The following SESTD1 variants were observed in gnomAD, a reference collection of about 807,000 sequenced individuals.
SESTD1 encodes SEC14 and spectrin domain containing 1, also known as SEC14 domain and spectrin repeat-containing protein 1.
A neutral mutation model predicts 101.7 loss-of-function variants in SESTD1; 43 were observed. The ratio of observed to expected loss-of-function variants is 0.42; its 90% CI spans 0.33 to 0.55. The LOEUF is 0.55. Ranked by LOEUF, SESTD1 falls within the 20% of genes least tolerant of loss-of-function variation. The probability of loss-of-function intolerance (pLI) is 0.07; values close to 1 mark genes in which losing one functional copy is unlikely to be tolerated. For synonymous variants in SESTD1, 283 were observed against 286.8 expected, an observed-to-expected ratio of 0.99 and a Z score of 0.13; for missense variants, 647 against 815.1, an observed-to-expected ratio of 0.79 and a Z score of 2.51.
intron 1 of SESTD1, among the ~76,000 whole-genome samples, chr2:179,236,618 A>C (rs1385845612): frequency 6.6e-6 from 1 of 152,118 alleles, no homozygotes; most frequent in African/African-American, 2.4e-5. Context: ...AAGAAAATGA[A>C]AAAATAAATT....
intron 2 of SESTD1, among the ~76,000 whole-genome samples, chr2:179,190,121 A>T (rs2046299012): frequency 6.6e-6 from 1 of 152,116 alleles, no homozygotes; most frequent in Non-Finnish European, 1.5e-5. Flanking sequence ...GAAAAAATCC[A>T]GAGATACTAC....
intron 5 of SESTD1, among the ~76,000 whole-genome samples, chr2:179,155,939 C>G (rs905669654): frequency 6.6e-6 from 1 of 152,208 alleles, no homozygotes; most frequent in African/African-American, 2.4e-5. Context: ...CATTCTTATG[C>G]CTTTGTGTCC....
chr2:179,187,987 G>A (rs1241137918), intron 2 of SESTD1, among the ~76,000 whole-genome samples: 1 of 152,106 alleles, frequency 6.6e-6, no homozygotes, highest in Admixed American at 6.6e-5. Context: ...AATAATAGCA[G>A]GGGATTTCAA....
At chr2:179,125,442 G>A (rs1212040622) in intron 10 of SESTD1, among the ~76,000 whole-genome samples, 4 of 152,170 alleles carry the variant, frequency 2.6e-5, no homozygotes, top group Non-Finnish European at 4.4e-5. Flanking sequence ...CCTGAGATCT[G>A]TTTTCTCTGC....
At chr2:179,149,723 A>C (rs2045477584) in intron 6 of SESTD1, among the ~76,000 whole-genome samples, 1 of 152,224 alleles carries the variant, frequency 6.6e-6, no homozygotes, top group South Asian at 2.1e-4. Flanking sequence ...AGAACACGCT[A>C]AGTCTCTAAT....
At chr2:179,169,293 G>C (rs541250329) in intron 5 of SESTD1, among the ~76,000 whole-genome samples, 2 of 152,136 alleles carry the variant, frequency 1.3e-5, no homozygotes, top group South Asian at 4.2e-4. Flanking sequence ...TGCTGGAGTA[G>C]TTATATTAAT....
At chr2:179,112,934 A>G in intron 16 of SESTD1, 89 bp from the exon 17 acceptor site, 1 of 1,452,114 alleles carries the variant, frequency 6.9e-7, no homozygotes, top group Non-Finnish European at 9.1e-7. Flanking sequence ...AAAAAAAGAG[A>G]GAAAAGAAAG....
At chr2:179,221,575 C>T (rs138044142) in intron 1 of SESTD1, among the ~76,000 whole-genome samples, 6,179 of 149,670 alleles carry the variant, frequency 0.041, 155 homozygotes, top group Middle Eastern at 0.1. Context: ...GCCAAGATGG[C>T]GCCACTGCAC....
chr2:179,254,602 C>T lies in SESTD1; in HGVS notation c.-26+9897G>A, dbSNP rs1246000278. Among the ~76,000 whole-genome samples, 3 of 152,216 alleles carry T rather than the reference C, an allele frequency of 2.0e-5. No homozygotes were observed. In the East Asian group the frequency reaches 5.8e-4, roughly 29 times the overall value. Reference sequence around the variant, plus strand: ...GCTCAATGATCACAGTATCCTTTCCCACTAATCCAGAAGCTGCGTCCAACT... The same window carrying T: ...GCTCAATGATCACAGTATCCTTTCCTACTAATCCAGAAGCTGCGTCCAACT... On this transcript the variant is annotated intron_variant, in intron 1 of 17. Transcript: ENST00000428443.
chr2:179,116,992 G>A (rs1033051165), intron 14 of SESTD1, among the ~76,000 whole-genome samples: 1 of 151,982 alleles, frequency 6.6e-6, no homozygotes, highest in Non-Finnish European at 1.5e-5. Flanking sequence ...AAATCTGAAG[G>A]CAAGACATAC....
rs1385331387 is a variant in SESTD1, at chr2:179,102,425, T to C, written c.*7474A>G. ...GAGACCAGTGTGACTTAATTCTCCC[T>C]AGATTTTATGAACAACTTTTATTAA... On this transcript the variant is annotated 3_prime_UTR_variant, in exon 18 of 18. Transcript: ENST00000428443. 6 of 152,184 alleles carry C rather than the reference T, an allele frequency of 3.9e-5. No individual in the cohort carries two copies. Among genetic ancestry groups the C allele is most frequent in the Non-Finnish European group, 7.3e-5 (5 of 68,028 alleles). The allele number at this position is 152,184 out of a possible 1,614,324, so 9.4% of individuals were successfully genotyped here. A position where few individuals can be genotyped will look rare whatever the true frequency, so the allele number is the denominator to read the frequency against.
chr2:179,200,996 T>C (rs1158977897), intron 1 of SESTD1, among the ~76,000 whole-genome samples: 1 of 133,846 alleles, frequency 7.5e-6, no homozygotes, highest in Admixed American at 7.2e-5. Flanking sequence ...ACCTACAGAA[T>C]GGGAGAAAAT....
At chr2:179,226,782 G>T (rs1213343370) in intron 1 of SESTD1, among the ~76,000 whole-genome samples, 1 of 152,144 alleles carries the variant, frequency 6.6e-6, no homozygotes, top group Non-Finnish European at 1.5e-5. Context: ...ATAGATGTTG[G>T]CTATGTCATT....
At chr2:179,217,189 A>C (rs1349632285) in intron 1 of SESTD1, among the ~76,000 whole-genome samples, 1 of 152,262 alleles carries the variant, frequency 6.6e-6, no homozygotes, top group Admixed American at 6.5e-5. Flanking sequence ...CATCAGAGTG[A>C]ACAGGCAAAC....
chr2:179,115,024 T>C, intron 16 of SESTD1, 41 bp downstream of exon 16: 1 of 1,539,750 alleles, frequency 6.5e-7, no homozygotes. Flanking sequence ...ACACATATAA[T>C]CAATACCACT....
chr2:179,224,847 C>T (rs1395307602), intron 1 of SESTD1, among the ~76,000 whole-genome samples: 1 of 152,190 alleles, frequency 6.6e-6, no homozygotes, highest in South Asian at 2.1e-4. Context: ...TTCCCATACA[C>T]CTTGCCCTGT....
intron 9 of SESTD1, 81 bp from the exon 10 acceptor site, chr2:179,132,507 C>CA: frequency 9.0e-6 from 13 of 1,443,224 alleles, no homozygotes; most frequent in Non-Finnish European, 1.2e-5. Flanking sequence ...TTTCCCCTCC[C>CA]AAAGTTCCCC....
At chr2:179,194,076 C>CT (rs2046356255) in intron 1 of SESTD1, among the ~76,000 whole-genome samples, 1 of 152,192 alleles carries the variant, frequency 6.6e-6, no homozygotes, top group African/African-American at 2.4e-5. Context: ...GATGGCCTTT[C>CT]TTTTACTCTC....
intron 1 of SESTD1, among the ~76,000 whole-genome samples, chr2:179,260,565 C>G (rs115969895): frequency 0.014 from 2,162 of 152,174 alleles, 23 homozygotes; most frequent in Non-Finnish European, 0.021. Flanking sequence ...TCTCTGCCCC[C>G]ACAGTTGTCA....
Sources: gnomAD v4.1 joint callset for allele counts (sites outside exome capture counted in the v4.1 genomes callset) on GRCh38, gnomAD v4.1.1 for gene constraint, MANE v1.5 for transcripts, NCBI Gene and HGNC (gene_info 2026-07-23, HGNC 2026-07-21) for gene names.